ORC2: variants seen among roughly 807,000 people sequenced by gnomAD.
ORC2 encodes origin recognition complex protein 2 homolog.
Under a neutral mutation model 77.7 loss-of-function variants are expected in ORC2, and 37 were observed. That is an observed-to-expected ratio of 0.48 (90% CI 0.37 to 0.63). The LOEUF is 0.63. ORC2 is among the 20% of genes least tolerant of loss of function. ORC2 has a pLI of 0.00. For synonymous variants in ORC2, 201 were observed against 229.5 expected (o/e 0.88, Z 1.12); for missense variants, 557 against 661.9 (o/e 0.84, Z 1.74).
chr2:200,947,732 A>AT (rs1300554395), intron 5 of ORC2, among the ~76,000 whole-genome samples: 2 of 151,816 alleles, frequency 1.3e-5, no homozygotes, highest in Non-Finnish European at 2.9e-5. Context: ...GTGCCATCTG[A>AT]TTTTTTTGTT....
Position 200,926,791 on chromosome 2 carries a change from A to G in ORC2, c.1027T>C (p.Phe343Leu), listed in dbSNP as rs749503313. The part of the protein sequence containing the change: ...DSIHVVINGF[F>L]PGISVKSVLN... ...ACTGATTTCACACTGATTCCAGGAA[A>G]GAAGCCATTGATGACAACGTGAATG... Residue 343 changes from phenylalanine to leucine, a missense_variant, in exon 12 of 18, where the codon TTT becomes CTT. Coordinates refer to ENST00000234296, the MANE Select transcript of ORC2 (RefSeq NM_006190.5). 8 of 1,613,960 alleles carry G rather than the reference A, an allele frequency of 5.0e-6. No individual in the cohort carries two copies. Among genetic ancestry groups the G allele is most frequent in the Admixed American group, 3.3e-5 (2 of 59,998 alleles).
At chr2:200,961,153 G>T (rs1042249802) in intron 1 of ORC2, among the ~76,000 whole-genome samples, 5 of 151,686 alleles carry the variant, frequency 3.3e-5, no homozygotes, top group Admixed American at 6.6e-5. Flanking sequence ...TAAATGCTTG[G>T]TTTTTTTGTT....
At chr2:200,926,551 T>C (rs16835812) in intron 12 of ORC2, among the ~76,000 whole-genome samples, 4,340 of 152,284 alleles carry the variant, frequency 0.028, 216 homozygotes, top group African/African-American at 0.1. Context: ...AAGCTAACAT[T>C]TTCCTAAGTT....
chr2:200,920,025 C>T (rs1462605256), intron 15 of ORC2, among the ~76,000 whole-genome samples, 197 bp downstream of exon 15: 2 of 152,154 alleles, frequency 1.3e-5, no homozygotes, highest in Admixed American at 6.5e-5. Context: ...TTGGTATTCT[C>T]GCTTTATTAC....
chr2:200,933,906 C>T lies in ORC2; in HGVS notation c.777G>A (p.Leu259=), dbSNP rs2124982546. The T allele has an allele frequency of 6.2e-7, 1 of 1,609,682 alleles. No homozygotes were observed. Among genetic ancestry groups the T allele is most frequent in the East Asian group, 2.2e-5 (1 of 44,732 alleles). The change falls in exon 10 of 18, where the codon CTG becomes CTA. Residue 259 remains leucine, a synonymous_variant. Transcript: ENST00000234296. The part of the protein sequence containing the change: ...SSKVLTSDRT[L]QKLKRAKLDQ... The stretch of plus-strand genomic sequence containing the variant: ...CCAGTTTAGCTCTCTTTAGCTTCTG[C>T]AGTGTTCTATCAGAGGTTAAAACTT...
intron 15 of ORC2, 106 bp downstream of exon 15, chr2:200,920,116 C>CCA (rs2040729687): frequency 5.2e-6 from 4 of 767,308 alleles, no homozygotes; most frequent in Non-Finnish European, 8.0e-6. Context: ...TATAATTTCA[C>CCA]TTAATCCTTC....
intron 11 of ORC2, among the ~76,000 whole-genome samples, 185 bp from the exon 12 acceptor site, chr2:200,927,085 T>C (rs886793202): frequency 6.6e-6 from 1 of 151,936 alleles, no homozygotes; most frequent in African/African-American, 2.4e-5. Context: ...TGTATGTATA[T>C]ATATGTATCT....
intron 11 of ORC2, among the ~76,000 whole-genome samples, chr2:200,927,708 TTAA>T (rs897717868): frequency 5.3e-5 from 8 of 150,686 alleles, no homozygotes; most frequent in Non-Finnish European, 1.0e-4. Flanking sequence ...AATTAACTAA[TTAA>T]TAATAATTTT....
chr2:200,956,592 T>G (rs1301646904), intron 4 of ORC2, among the ~76,000 whole-genome samples: 1 of 151,964 alleles, frequency 6.6e-6, no homozygotes, highest in Admixed American at 6.6e-5. Context: ...AGTCTCCCAA[T>G]GTACTGGGAT....
intron 15 of ORC2, among the ~76,000 whole-genome samples, chr2:200,915,631 T>G (rs1424873561): frequency 6.6e-6 from 1 of 152,206 alleles, no homozygotes; most frequent in Non-Finnish European, 1.5e-5. Context: ...AAAACTTATA[T>G]GAATTTTCAT....
intron 7 of ORC2, among the ~76,000 whole-genome samples, chr2:200,939,044 GA>G (rs199696935): frequency 0.01 from 1,318 of 128,188 alleles, 11 homozygotes; most frequent in East Asian, 0.068. Context: ...TCCTCAGGGG[GA>G]AAAAAAAAAA....
At chr2:200,938,016 T>C (rs1270106755) in intron 7 of ORC2, 50 bp from the exon 8 acceptor site, 4 of 1,309,696 alleles carry the variant, frequency 3.1e-6, no homozygotes, top group East Asian at 2.3e-5. Flanking sequence ...AATTAATGAC[T>C]GATCTGAGTG....
intron 15 of ORC2, among the ~76,000 whole-genome samples, chr2:200,914,554 G>A (rs1350473531): frequency 1.3e-5 from 2 of 152,084 alleles, no homozygotes; most frequent in East Asian, 3.9e-4. Flanking sequence ...TGAGGTGGGA[G>A]GACTGCTTGA....
intron 9 of ORC2, 58 bp downstream of exon 9, chr2:200,935,641 C>A: frequency 1.7e-6 from 2 of 1,195,940 alleles, no homozygotes; most frequent in African/African-American, 1.6e-5. Context: ...TTAGGGTAGC[C>A]TATCTTTGAA....
intron 13 of ORC2, among the ~76,000 whole-genome samples, chr2:200,924,569 ATTAC>A (rs957077090): frequency 8.5e-5 from 13 of 152,284 alleles, no homozygotes; most frequent in African/African-American, 3.1e-4. Flanking sequence ...GGCATTCTCA[ATTAC>A]TTCTCTTAAT....
rs540254494 is a variant in ORC2, at chr2:200,962,313, G to A, written c.-60+1177C>T. 3.3e-5 allele frequency among the ~76,000 whole-genome samples: 5 copies of A among 152,376 alleles called. No homozygotes were observed. The South Asian group carries it at 1.0e-3, about 32-fold the overall frequency. On this transcript the variant is annotated intron_variant, in intron 1 of 17. Coordinates refer to ENST00000234296, the MANE Select transcript of ORC2 (RefSeq NM_006190.5). ...CAAGGAGTTACTTCAAGGCAATTCTGCAGCACCAAGTGTTAGCATTGCACC... is the reference window on the plus strand; with the variant it reads ...CAAGGAGTTACTTCAAGGCAATTCTACAGCACCAAGTGTTAGCATTGCACC...
At chr2:200,920,614 G>C (rs1575154477) in intron 14 of ORC2, among the ~76,000 whole-genome samples, 1 of 152,184 alleles carries the variant, frequency 6.6e-6, no homozygotes, top group East Asian at 1.9e-4. Flanking sequence ...TAAAATCTTA[G>C]CACTACCAAT....
chr2:200,920,223 T>C lies in ORC2; in HGVS notation c.1465A>G (p.Arg489Gly). 1 of 1,606,194 alleles carries C rather than the reference T, an allele frequency of 6.2e-7. No individual in the cohort carries two copies. The highest frequency in any genetic ancestry group is 8.5e-7 in the Non-Finnish European group (1 of 1,176,492). Residue 489 changes from arginine (R) to glycine (G), a missense_variant and splice_region_variant, in exon 15 of 18, where the codon AGG (arginine) becomes GGG (glycine). Arg to Gly is a moderately radical substitution (Grantham distance 125). Coordinates refer to ENST00000234296, the MANE Select transcript of ORC2 (RefSeq NM_006190.5). ...HVLRSLTPNA[R>G]GIFRLLIKYQ... ...AAGAAATATGGTTTTCATCCTTACC[T>C]TGCATTAGGGGTAAGGCTTCGTAAG...
At chr2:200,917,172 T>G (rs781347223) in intron 15 of ORC2, among the ~76,000 whole-genome samples, 3 of 151,704 alleles carry the variant, frequency 2.0e-5, no homozygotes, top group Non-Finnish European at 4.4e-5. Flanking sequence ...TTTTTTAATT[T>G]TTAGTAGAGA....
Sources: allele counts gnomAD v4.1 joint callset (sites outside exome capture counted in the v4.1 genomes callset), GRCh38; gene constraint gnomAD v4.1.1; transcripts MANE v1.5; gene names NCBI Gene and HGNC (gene_info 2026-07-23, HGNC 2026-07-21).